CENPI: variants seen among roughly 807,000 people sequenced by gnomAD.
The protein encoded by CENPI is centromere protein I.
In CENPI, 4 loss-of-function variants were observed where a neutral mutation model predicts 60.4. The ratio of observed to expected loss-of-function variants is 0.07; its 90% CI spans 0.03 to 0.15. The LOEUF (loss-of-function observed/expected upper bound fraction) is 0.15. Among genes scored for constraint, CENPI ranks in the 10% least tolerant of loss-of-function variants. CENPI has a pLI of 1.00. For missense variants in CENPI, 444 were observed against 534.5 expected (o/e 0.83, Z 1.67); for synonymous variants, 157 against 189.4 (o/e 0.83, Z 1.40).
At chrX:101,115,030 C>T (rs1046649536) in intron 6 of CENPI, among the ~76,000 whole-genome samples, 12 of 109,885 alleles carry the variant, frequency 1.1e-4, no homozygotes, top group African/African-American at 4.0e-4. Context: ...ATGACGCGAT[C>T]TCAGCTCACT....
intron 20 of CENPI, among the ~76,000 whole-genome samples, chrX:101,159,751 C>T (rs764933572): frequency 2.7e-5 from 3 of 111,657 alleles, no homozygotes; most frequent in East Asian, 5.6e-4. Context: ...CATGAGCCAC[C>T]GCACCTGGCT....
chrX:101,144,874 G>A (rs190366294), intron 16 of CENPI, among the ~76,000 whole-genome samples, 190 bp from the exon 17 acceptor site: 1 of 111,682 alleles, frequency 9.0e-6, no homozygotes. Flanking sequence ...TCGTCTTAAT[G>A]GTTCCCTGGA....
intron 21 of CENPI, among the ~76,000 whole-genome samples, chrX:101,162,122 G>T (rs998128382): frequency 9.2e-6 from 1 of 108,995 alleles, no homozygotes; most frequent in Admixed American, 1.0e-4. Context: ...TGATTTTTTA[G>T]TAGAGAAGAT....
At chrX:101,120,115 A>G (rs1396811787) in intron 6 of CENPI, among the ~76,000 whole-genome samples, 1 of 112,409 alleles carries the variant, frequency 8.9e-6, no homozygotes, top group Non-Finnish European at 1.9e-5. Context: ...GAATACATTA[A>G]TTTTTGTTAG....
In CENPI at chrX:101,128,806, T is replaced by C; in HGVS notation, c.1165T>C (p.Tyr389His). 1 of 1,209,603 alleles carries C rather than the reference T, an allele frequency of 8.3e-7. No individual in the cohort carries two copies. The highest frequency in any genetic ancestry group is 1.1e-6 in the Non-Finnish European group (1 of 893,671). Residue 389 changes from tyrosine to histidine, a missense_variant, in exon 12 of 22, where the codon TAT (tyrosine) becomes CAT (histidine). Coordinates refer to ENST00000682095, the MANE Select transcript of CENPI (RefSeq NM_001386188.2). ...VRDEPVLLRF[Y>H]YWLSQTLQEE... ...AGATGAGCCAGTCTTGCTGAGGTTT[T>C]ATTACTGGTTGAGTCAAACATTACA... is the stretch of plus-strand genomic sequence containing the variant.
chrX:101,170,338 C>T (rs1374485706), downstream of CENPI, among the ~76,000 whole-genome samples: 1 of 111,718 alleles, frequency 9.0e-6, no homozygotes, highest in Non-Finnish European at 1.9e-5. Context: ...TGTAAGTATA[C>T]TCTATGATGT....
Position 101,102,340 on chromosome X carries a change from T to C in CENPI, c.293T>C (p.Val98Ala). Residue 98 changes from valine (V) to alanine (A), a missense_variant, in exon 4 of 22, where the codon GTG becomes GCG. By Grantham distance (64) the Val-to-Ala change is moderately conservative. Coordinates refer to ENST00000682095, the MANE Select transcript of CENPI (RefSeq NM_001386188.2). ...LEKHLKTVEN[V>A]AWKNGLASEE... ...AAACACTTGAAAACTGTGGAAAATG[T>C]GGCTTGGAAGAATGGGTTAGCTTCA... 8.4e-7 allele frequency: 1 copy of C among 1,194,891 alleles called. No homozygotes were observed. The highest frequency in any genetic ancestry group is 2.2e-5 in the Admixed American group (1 of 45,571).
intron 6 of CENPI, among the ~76,000 whole-genome samples, chrX:101,114,693 G>A (rs757649620): frequency 8.9e-6 from 1 of 111,946 alleles, no homozygotes; most frequent in South Asian, 3.7e-4. Context: ...AGGCTGGAGT[G>A]CAGTGGTGCA....
intron 20 of CENPI, among the ~76,000 whole-genome samples, chrX:101,155,447 C>A (rs1243897274): frequency 1.8e-5 from 2 of 111,764 alleles, no homozygotes; most frequent in African/African-American, 6.5e-5. Flanking sequence ...ACCTCGGCCT[C>A]CCAAAGTGCT....
At position 101,148,020 on chromosome X, in the gene CENPI, G is replaced by A. The variant is rs747338878; in HGVS notation, c.1953G>A (p.Leu651=). The change falls in exon 20 of 22, where the codon CTG becomes CTA. Residue 651 remains leucine (L), a synonymous_variant. Coordinates refer to ENST00000682095, the MANE Select transcript of CENPI (RefSeq NM_001386188.2). ...ATTTGACATCAATGGTTGGTTGCCT[G>A]TGGACGTCCAAACCCTTTGGGAAAG... ...NHYLTSMVGC[L]WTSKPFGKGI... The A allele has an allele frequency of 4.2e-6, 5 of 1,195,906 alleles. No individual in the cohort carries two copies. The highest frequency in any genetic ancestry group is 4.5e-6 in the Non-Finnish European group (4 of 888,743).
At chrX:101,174,923 C>A in the CENPI span, among the ~76,000 whole-genome samples, 2,349 of 111,239 alleles carry the variant, frequency 0.021, 59 homozygotes, top group African/African-American at 0.073. Flanking sequence ...GCCTGACCAA[C>A]AAGGAGAAAC....
At position 101,127,544 on chromosome X, in the gene CENPI, A is replaced by G; in HGVS notation, c.953A>G (p.Tyr318Cys). The G allele has an allele frequency of 8.3e-7, 1 of 1,198,580 alleles. No homozygotes were observed. The change falls in exon 11 of 22, where the codon TAC becomes TGC. Residue 318 changes from tyrosine (Y) to cysteine (C), a missense_variant. Physicochemically the swap from Tyr to Cys is radical, Grantham distance 194 (BLOSUM62 -2). Transcript: ENST00000682095. ...ATACCAGTGCTCAATTCCAGTAGCT[A>G]CACTAAAGAATGTGGAAAAAAAGAG... is the stretch of plus-strand genomic sequence containing the variant. ...SVIPVLNSSS[Y>C]TKECGKKEMS...
rs183226029 is a variant in CENPI, at chrX:101,105,260, C to A, written c.364+2849C>A. Among the ~76,000 whole-genome samples, 674 of 112,106 alleles carry A rather than the reference C, an allele frequency of 6.0e-3. 3 individuals carry two copies. The highest frequency in any genetic ancestry group is 0.01 in the Non-Finnish European group (548 of 53,250). ...GGAGTAGGGGCCGGGTGCAGTGGCT[C>A]ACGCCTGTAACCCCAACACTTTGGG... is the stretch of plus-strand genomic sequence containing the variant. On this transcript the variant is annotated intron_variant, in intron 4 of 21. Coordinates refer to ENST00000682095, the MANE Select transcript of CENPI (RefSeq NM_001386188.2).
intron 20 of CENPI, among the ~76,000 whole-genome samples, chrX:101,156,937 G>A (rs911769380): frequency 9.0e-6 from 1 of 111,163 alleles, no homozygotes; most frequent in Non-Finnish European, 1.9e-5. Context: ...TATTTTTGCA[G>A]TTGCGAATTC....
intron 4 of CENPI, among the ~76,000 whole-genome samples, chrX:101,108,835 C>T (rs1317705690): frequency 9.2e-6 from 1 of 108,312 alleles, no homozygotes; most frequent in East Asian, 2.9e-4. Flanking sequence ...TAGTAGATAA[C>T]GGGGTTTTGT....
At chrX:101,103,797 A>G (rs946144431) in intron 4 of CENPI, among the ~76,000 whole-genome samples, 3 of 111,996 alleles carry the variant, frequency 2.7e-5, no homozygotes, top group African/African-American at 9.7e-5. Flanking sequence ...GCCAAAAATA[A>G]CCAGTTACCA....
intron 15 of CENPI, among the ~76,000 whole-genome samples, chrX:101,133,009 G>C (rs2089811133): frequency 9.0e-6 from 1 of 110,964 alleles, no homozygotes; most frequent in South Asian, 3.8e-4. Flanking sequence ...ACCTGAATGA[G>C]TTTGAGAGCC....
downstream of CENPI, among the ~76,000 whole-genome samples, chrX:101,169,879 CAAAAT>C (rs1420593905): frequency 9.0e-6 from 1 of 111,469 alleles, no homozygotes; most frequent in Admixed American, 9.6e-5. Flanking sequence ...AATAAGCTAA[CAAAAT>C]AAAGATATAA....
chrX:101,172,815 A>G, the CENPI span, among the ~76,000 whole-genome samples: 2 of 111,232 alleles, frequency 1.8e-5, no homozygotes, highest in Non-Finnish European at 3.8e-5. Context: ...AATGGATGAG[A>G]TGAGTAATCT....
Sources: gnomAD v4.1 joint callset for allele counts (sites outside exome capture counted in the v4.1 genomes callset) on GRCh38, gnomAD v4.1.1 for gene constraint, MANE v1.5 for transcripts, NCBI Gene and HGNC (gene_info 2026-07-23, HGNC 2026-07-21) for gene names.